Variants in EPB41L4B observed in about 807,000 individuals in gnomAD.
The protein encoded by EPB41L4B is erythrocyte membrane protein band 4.1 like 4B, also known as band 4.1-like protein 4B.
EPB41L4B carries 30 observed loss-of-function variants against 112.5 expected under a neutral mutation model. The observed-to-expected ratio is 0.27, with a 90% CI of 0.20 to 0.36. The LOEUF (loss-of-function observed/expected upper bound fraction) is 0.36, where lower values mean the gene tolerates loss of function less well. Among genes scored for constraint, EPB41L4B ranks in the 10% least tolerant of loss-of-function variants. The probability of loss-of-function intolerance (pLI) is 1.00; values close to 1 mark genes in which losing one functional copy is unlikely to be tolerated. For synonymous variants in EPB41L4B, 408 were observed against 439.7 expected, an observed-to-expected ratio of 0.93 and a Z score of 0.90; for missense variants, 1,024 against 1,133.3, an observed-to-expected ratio of 0.90 and a Z score of 1.38.
intron 22 of EPB41L4B, 27 bp from the exon 23 acceptor site, chr9:109,185,632 G>C (rs780340131): frequency 6.4e-6 from 10 of 1,564,972 alleles, no homozygotes; most frequent in Non-Finnish European, 8.7e-6. Flanking sequence ...GAGAGAAGGG[G>C]AGGAGGAGGT....
chr9:109,280,521 GTCC>G, intron 1 of EPB41L4B, among the ~76,000 whole-genome samples: 1 of 152,184 alleles, frequency 6.6e-6, no homozygotes. Flanking sequence ...AAGGGGTCAA[GTCC>G]TGCATCTGCC....
At chr9:109,213,948 T>C in intron 16 of EPB41L4B, 130 bp from the exon 17 acceptor site, 1 of 739,800 alleles carries the variant, frequency 1.4e-6, no homozygotes, top group Non-Finnish European at 2.3e-6. Flanking sequence ...GCAGCTCTCA[T>C]GCCTTCAGTA....
chr9:109,252,394 A>C (rs1834822241), intron 12 of EPB41L4B, among the ~76,000 whole-genome samples: 1 of 152,086 alleles, frequency 6.6e-6, no homozygotes, highest in Non-Finnish European at 1.5e-5. Flanking sequence ...ACCCTTCATC[A>C]ACCCATCGCC....
chr9:109,292,790 A>G (rs1038746492), intron 1 of EPB41L4B, among the ~76,000 whole-genome samples: 6 of 152,110 alleles, frequency 3.9e-5, no homozygotes, highest in Non-Finnish European at 8.8e-5. Context: ...CATCAACCCA[A>G]TCAAATATGG....
intron 4 of EPB41L4B, among the ~76,000 whole-genome samples, chr9:109,266,859 C>T (rs1246338993): frequency 6.6e-6 from 1 of 150,760 alleles, no homozygotes; most frequent in Non-Finnish European, 1.5e-5. Context: ...ATCCCATCTA[C>T]TCGGGTGGCT....
chr9:109,208,905 G>A (rs1348083522), intron 17 of EPB41L4B, among the ~76,000 whole-genome samples: 1 of 152,102 alleles, frequency 6.6e-6, no homozygotes, highest in East Asian at 1.9e-4. Flanking sequence ...GCACATAGTA[G>A]ATGTCCAATA....
At chr9:109,229,758 G>C (rs559667770) in intron 15 of EPB41L4B, among the ~76,000 whole-genome samples, 2 of 152,274 alleles carry the variant, frequency 1.3e-5, no homozygotes, top group African/African-American at 4.8e-5. Flanking sequence ...GCCTCAGAAG[G>C]GTTGCAAGTG....
chr9:109,185,277 G>A lies in EPB41L4B; in HGVS notation c.2418+212C>T, dbSNP rs78980589. Among the ~76,000 whole-genome samples, 914 of 152,352 alleles carry A rather than the reference G, an allele frequency of 6.0e-3. 12 individuals carry two copies. Among genetic ancestry groups the A allele is most frequent in the Middle Eastern group, 0.024 (7 of 294 alleles). On this transcript the variant is annotated intron_variant, in intron 23 of 25. Coordinates refer to ENST00000374566, the MANE Select transcript of EPB41L4B (RefSeq NM_019114.5). ...AACTCTTCTTGATTCTTGAGACCTA[G>A]AGGCGAAGTGGGCTCCATAGCTGCA...
chr9:109,263,451 T>C (rs564987416), intron 5 of EPB41L4B, among the ~76,000 whole-genome samples: 13 of 152,258 alleles, frequency 8.5e-5, no homozygotes, highest in Non-Finnish European at 1.5e-4. Context: ...TATCTTGATA[T>C]AGTACATGCA....
At chr9:109,198,419 A>C (rs1361293096) in intron 20 of EPB41L4B, among the ~76,000 whole-genome samples, 1 of 152,172 alleles carries the variant, frequency 6.6e-6, no homozygotes, top group Non-Finnish European at 1.5e-5. Flanking sequence ...CATCCATTTT[A>C]CAGAGGAAGG....
At chr9:109,247,845 G>T in intron 13 of EPB41L4B, 56 bp from the exon 14 acceptor site, 1 of 1,281,894 alleles carries the variant, frequency 7.8e-7, no homozygotes, top group Non-Finnish European at 1.1e-6. Flanking sequence ...GTTGTAGAGT[G>T]GCATTATTAA....
rs535389347 is a variant in EPB41L4B, at chr9:109,288,847, G to C, written c.307-8926C>G. On this transcript the variant is annotated intron_variant, in intron 1 of 25. Transcript: ENST00000374566. Reference sequence around the variant, plus strand: ...GCCCAGGAGGTTGAGGCTGCAGTCAGCTGTTCATGCCACTGCACTCTAGCC... The same window carrying C: ...GCCCAGGAGGTTGAGGCTGCAGTCACCTGTTCATGCCACTGCACTCTAGCC... Among the ~76,000 whole-genome samples, 6 of 150,058 alleles carry C rather than the reference G, an allele frequency of 4.0e-5. No individual in the cohort carries two copies. The South Asian group carries it at 1.1e-3, about 27-fold the overall frequency.
chr9:109,307,623 C>G (rs560036156), intron 1 of EPB41L4B, among the ~76,000 whole-genome samples: 1 of 152,306 alleles, frequency 6.6e-6, no homozygotes, highest in African/African-American at 2.4e-5. Context: ...CCCCAGCAGG[C>G]AAGAGCAATA....
At position 109,268,425 on chromosome 9, in the gene EPB41L4B, C is replaced by T; in HGVS notation, c.420G>A (p.Leu140=). Residue 140 remains leucine, a synonymous_variant, in exon 3 of 26, where the codon CTG becomes CTA. Coordinates refer to ENST00000374566, the MANE Select transcript of EPB41L4B (RefSeq NM_019114.5). ...FLDSAQVAHW[L]DHAKPIKKQM... ...GCTTTTTTATGGGTTTGGCATGATC[C>T]AGCCAGTGCTGAAAGAAAGAAAAAA... is the stretch of plus-strand genomic sequence containing the variant. The T allele has an allele frequency of 6.2e-7, 1 of 1,608,926 alleles. No individual in the cohort carries two copies. The highest frequency in any genetic ancestry group is 8.5e-7 in the Non-Finnish European group (1 of 1,178,910).
At chr9:109,217,569 GT>G (rs1283924489) in intron 15 of EPB41L4B, among the ~76,000 whole-genome samples, 32 of 152,098 alleles carry the variant, frequency 2.1e-4, no homozygotes, top group African/African-American at 7.7e-4. Flanking sequence ...GTTAACATCA[GT>G]GCTGCAACAT....
chr9:109,314,604 T>C (rs1837559609), intron 1 of EPB41L4B, among the ~76,000 whole-genome samples: 1 of 149,074 alleles, frequency 6.7e-6, no homozygotes, highest in Non-Finnish European at 1.5e-5. Context: ...CGACACCCCC[T>C]TTGGGAAGGG....
intron 5 of EPB41L4B, among the ~76,000 whole-genome samples, chr9:109,264,056 A>G (rs7469433): frequency 6.6e-6 from 1 of 151,996 alleles, no homozygotes; most frequent in Non-Finnish European, 1.5e-5. Flanking sequence ...AGAGAGAGAG[A>G]GGGAGAGAGG....
At chr9:109,255,114 T>A (rs1349255390) in intron 11 of EPB41L4B, among the ~76,000 whole-genome samples, 1 of 152,204 alleles carries the variant, frequency 6.6e-6, no homozygotes, top group Non-Finnish European at 1.5e-5. Flanking sequence ...TCCAAAATGA[T>A]CCTGTGTCCT....
In EPB41L4B at chr9:109,182,800, T is replaced by C. The variant is rs759128654; in HGVS notation, c.2419-3A>G. The stretch of plus-strand genomic sequence containing the variant: ...GTATCAACCGGGAATGTTTTTATCT[T>C]CAAAAGAGAGAAAGACAAGGGGGTT... On this transcript the variant is annotated splice_region_variant and splice_polypyrimidine_tract_variant and intron_variant, in intron 23 of 25. Transcript: ENST00000374566. 6 of 1,606,006 alleles carry C rather than the reference T, an allele frequency of 3.7e-6. No homozygotes were observed. Among genetic ancestry groups the C allele is most frequent in the Non-Finnish European group, 5.1e-6 (6 of 1,172,686 alleles).
Sources: allele counts gnomAD v4.1 joint callset (sites outside exome capture counted in the v4.1 genomes callset), GRCh38; gene constraint gnomAD v4.1.1; transcripts MANE v1.5; gene names NCBI Gene and HGNC (gene_info 2026-07-23, HGNC 2026-07-21).